MAMDC2: variants seen among roughly 807,000 people sequenced by gnomAD.
The protein encoded by MAMDC2 is MAM domain-containing protein 2.
A neutral mutation model predicts 89.8 loss-of-function variants in MAMDC2; 57 were observed. The ratio of observed to expected loss-of-function variants is 0.63; its 90% confidence interval spans 0.51 to 0.79. The LOEUF (loss-of-function observed/expected upper bound fraction) is 0.79. MAMDC2 is among the 30% of genes least tolerant of loss of function. The pLI, the probability that MAMDC2 is intolerant of heterozygous loss-of-function variation, is 0.00. For synonymous variants in MAMDC2, 313 were observed against 293.4 expected (o/e 1.07, Z -0.68); for missense variants, 800 against 820.6 (o/e 0.97, Z 0.31).
intron 9 of MAMDC2, among the ~76,000 whole-genome samples, chr9:70,147,774 C>T (rs1228837814): frequency 6.7e-6 from 1 of 150,366 alleles, no homozygotes; most frequent in African/African-American, 2.5e-5. Flanking sequence ...CCTATGAGGG[C>T]GCCCTTGGCA....
At chr9:70,116,682 T>C (rs934243134) in intron 5 of MAMDC2, among the ~76,000 whole-genome samples, 5 of 132,124 alleles carry the variant, frequency 3.8e-5, no homozygotes, top group Middle Eastern at 4.8e-3. Context: ...TATAAGCACA[T>C]AGCATTTGGC....
intron 9 of MAMDC2, among the ~76,000 whole-genome samples, chr9:70,163,067 T>C (rs1200339267): frequency 6.6e-6 from 1 of 152,040 alleles, no homozygotes; most frequent in African/African-American, 2.4e-5. Context: ...AAGAGGAGAT[T>C]CTATTGTCCT....
chr9:70,112,642 G>A (rs1828540198), intron 4 of MAMDC2, among the ~76,000 whole-genome samples: 1 of 152,090 alleles, frequency 6.6e-6, no homozygotes, highest in Admixed American at 6.6e-5. Flanking sequence ...CACATGCCTG[G>A]CACTATGCTG....
intron 3 of MAMDC2, among the ~76,000 whole-genome samples, 196 bp from the exon 4 acceptor site, chr9:70,109,524 T>G (rs183086037): frequency 2.6e-5 from 4 of 152,360 alleles, no homozygotes; most frequent in Admixed American, 1.3e-4. Context: ...CACATGCGCA[T>G]GCACACACAT....
At chr9:70,118,227 T>G (rs2030096721) in intron 5 of MAMDC2, among the ~76,000 whole-genome samples, 1 of 151,974 alleles carries the variant, frequency 6.6e-6, no homozygotes, top group Admixed American at 6.6e-5. Flanking sequence ...TCTTTCCTGC[T>G]ATTTCACTCC....
intron 9 of MAMDC2, among the ~76,000 whole-genome samples, chr9:70,144,455 C>T (rs142967097): frequency 5.9e-5 from 9 of 152,290 alleles, no homozygotes; most frequent in African/African-American, 2.2e-4. Flanking sequence ...AGCTTAGCAA[C>T]TCATAAACTT....
intron 2 of MAMDC2, among the ~76,000 whole-genome samples, chr9:70,057,581 C>T (rs17523363): frequency 0.089 from 13,547 of 152,228 alleles, 816 homozygotes; most frequent in East Asian, 0.21. Context: ...CTTTGGGGAG[C>T]ATATTCCTGT....
chr9:70,152,911 A>G (rs2031629440), intron 9 of MAMDC2, among the ~76,000 whole-genome samples: 2 of 152,212 alleles, frequency 1.3e-5, no homozygotes, highest in South Asian at 4.1e-4. Flanking sequence ...CACACATATC[A>G]TTTATTAAAT....
intron 2 of MAMDC2, among the ~76,000 whole-genome samples, chr9:70,083,067 A>T (rs1467056082): frequency 6.6e-6 from 1 of 152,190 alleles, no homozygotes; most frequent in African/African-American, 2.4e-5. Flanking sequence ...CCTGCTAAAG[A>T]TGGAAAAAAC....
intron 2 of MAMDC2, among the ~76,000 whole-genome samples, chr9:70,046,092 G>C: frequency 6.6e-6 from 1 of 152,156 alleles, no homozygotes; most frequent in East Asian, 1.9e-4. Flanking sequence ...ACTGGCTTTG[G>C]AGAGCACACT....
At chr9:70,178,262 A>C (rs775132049) in intron 11 of MAMDC2, among the ~76,000 whole-genome samples, 7 of 152,212 alleles carry the variant, frequency 4.6e-5, no homozygotes, top group Non-Finnish European at 8.8e-5. Context: ...TCTAAGATCA[A>C]GGTTCTGATA....
intron 2 of MAMDC2, among the ~76,000 whole-genome samples, chr9:70,084,776 A>G (rs1827731015): frequency 6.6e-6 from 1 of 152,108 alleles, no homozygotes; most frequent in Non-Finnish European, 1.5e-5. Context: ...ATATCTTTGA[A>G]CTTGAATTGT....
At chr9:70,061,908 T>C (rs1278418770) in intron 2 of MAMDC2, among the ~76,000 whole-genome samples, 3 of 152,318 alleles carry the variant, frequency 2.0e-5, no homozygotes, top group Non-Finnish European at 4.4e-5. Context: ...TCAGGTGGAC[T>C]AAAACCCTTG....
intron 2 of MAMDC2, among the ~76,000 whole-genome samples, chr9:70,051,888 G>A (rs374679339): frequency 6.7e-6 from 1 of 148,792 alleles, no homozygotes. Context: ...TAGATAGATA[G>A]AGATAGATAG....
Position 70,189,205 on chromosome 9 carries a change from T to C in MAMDC2, c.1651+18574T>C, listed in dbSNP as rs569917985. ...TGAGTTACTATCTAGTACACTTTGC[T>C]TTTAGCCTGAAGGACTTCCTTTAGT... On this transcript the variant is annotated intron_variant, in intron 11 of 13. Coordinates refer to ENST00000377182, the MANE Select transcript of MAMDC2 (RefSeq NM_153267.5). Among the ~76,000 whole-genome samples, 4 of 152,350 alleles carry C rather than the reference T, an allele frequency of 2.6e-5. No individual in the cohort carries two copies. The South Asian group carries it at 8.3e-4, about 32-fold the overall frequency.
At position 70,109,695 on chromosome 9, in the gene MAMDC2, C is replaced by G. The variant is rs746825658; in HGVS notation, c.421-25C>G. 4 of 1,567,872 alleles carry G rather than the reference C, an allele frequency of 2.6e-6. No individual in the cohort carries two copies. The Admixed American group carries it at 5.0e-5, about 20-fold the overall frequency. ...AACATGATGTTTTGAAGTCTAACTCCCCTTCTTCCCCATATGTTGTGCAGA... is the reference window on the plus strand; with the variant it reads ...AACATGATGTTTTGAAGTCTAACTCGCCTTCTTCCCCATATGTTGTGCAGA... On this transcript the variant is annotated intron_variant, in intron 3 of 13. Transcript: ENST00000377182.
intron 2 of MAMDC2, among the ~76,000 whole-genome samples, chr9:70,064,983 A>G (rs1379601366): frequency 6.6e-6 from 1 of 152,208 alleles, no homozygotes; most frequent in Non-Finnish European, 1.5e-5. Flanking sequence ...AACATTCAAG[A>G]GCTTCATGTG....
chr9:70,055,272 T>C (rs1253875303), intron 2 of MAMDC2, among the ~76,000 whole-genome samples: 2 of 152,236 alleles, frequency 1.3e-5, no homozygotes, highest in East Asian at 3.9e-4. Context: ...GACAAGCACA[T>C]TTACTTTCAT....
At position 70,148,917 on chromosome 9, in the gene MAMDC2, T is replaced by A. The variant is rs1269466836; in HGVS notation, c.1404+5098T>A. Among the ~76,000 whole-genome samples the A allele has an allele frequency of 2.7e-5, 4 of 148,006 alleles. 1 individual carries two copies. Among genetic ancestry groups the A allele is most frequent in the Admixed American group, 1.4e-4 (2 of 14,738 alleles). On this transcript the variant is annotated intron_variant, in intron 9 of 13. Transcript: ENST00000377182. Reference sequence around the variant, plus strand: ...GGTGGCAAGCACCTGTAGTCCCAGCTACTCAGGAGGCTGAGGCAGGAGAAT... The same window carrying A: ...GGTGGCAAGCACCTGTAGTCCCAGCAACTCAGGAGGCTGAGGCAGGAGAAT...
Sources: allele counts gnomAD v4.1 joint callset (sites outside exome capture counted in the v4.1 genomes callset), GRCh38; gene constraint gnomAD v4.1.1; transcripts MANE v1.5; gene names NCBI Gene and HGNC (gene_info 2026-07-23, HGNC 2026-07-21).